The following TNIP1 variants were observed in gnomAD, a reference collection of about 807,000 sequenced individuals.
The protein encoded by TNIP1 is TNFAIP3 interacting protein 1.
In TNIP1, 22 loss-of-function variants were observed where a neutral mutation model predicts 86.6. The observed-to-expected ratio is 0.25, with a 90% confidence interval of 0.18 to 0.36. TNIP1 has a LOEUF of 0.36. Ranked by LOEUF, TNIP1 falls within the 10% of genes least tolerant of loss-of-function variation. The pLI is 1.00. For synonymous variants in TNIP1, 294 were observed against 313.0 expected, an observed-to-expected ratio of 0.94 and a Z score of 0.64; for missense variants, 709 against 820.6, an observed-to-expected ratio of 0.86 and a Z score of 1.66.
intron 1 of TNIP1, among the ~76,000 whole-genome samples, chr5:151,069,322 G>A (rs1344056097): frequency 6.6e-6 from 1 of 152,200 alleles, no homozygotes; most frequent in Admixed American, 6.5e-5. Context: ...GCTGGGTAGG[G>A]GGGTGGTCCC....
At chr5:151,057,020 A>C in intron 5 of TNIP1, 63 bp from the exon 6 acceptor site, 1 of 1,322,898 alleles carries the variant, frequency 7.6e-7, no homozygotes, top group South Asian at 1.9e-5. Flanking sequence ...CCGCCAGTCC[A>C]TTCTCCCTCT....
At chr5:151,038,420 G>A (rs558577687) in intron 12 of TNIP1, among the ~76,000 whole-genome samples, 62 of 132,742 alleles carry the variant, frequency 4.7e-4, no homozygotes, top group African/African-American at 1.4e-3. Flanking sequence ...AACTAGAGCC[G>A]TTCCCACCAG....
chr5:151,040,129 G>C (rs1343863015), intron 11 of TNIP1, among the ~76,000 whole-genome samples: 1 of 152,228 alleles, frequency 6.6e-6, no homozygotes, highest in African/African-American at 2.4e-5. Context: ...GCAGCACAGT[G>C]CAGTGGAAAG....
chr5:151,039,144 T>C lies in TNIP1; in HGVS notation c.1216A>G (p.Thr406Ala). Residue 406 changes from threonine (T) to alanine (A), a missense_variant, in exon 12 of 18, where the codon ACC becomes GCC. By Grantham distance (58) the Thr-to-Ala change is moderately conservative. Transcript: ENST00000521591. Reference protein sequence around the residue: ...KYLQDQLSPLTRQREYQEKEI... With the variant: ...KYLQDQLSPLARQREYQEKEI... ...TTTTCCTGGTACTCACGCTGTCGGG[T>C]GAGTGGGCTCAGCTGATCCTGCAGG... 1 of 1,614,034 alleles carries C rather than the reference T, an allele frequency of 6.2e-7. No individual in the cohort carries two copies. The highest frequency in any genetic ancestry group is 8.5e-7 in the Non-Finnish European group (1 of 1,179,974).
Position 151,033,694 on chromosome 5 carries a change from C to G in TNIP1, c.1693G>C (p.Glu565Gln). 7.4e-7 allele frequency: 1 copy of G among 1,349,302 alleles called. No homozygotes were observed. Among genetic ancestry groups the G allele is most frequent in the Non-Finnish European group, 9.6e-7 (1 of 1,040,270 alleles). 83.6% of individuals were successfully genotyped at this position (1,349,302 alleles called of 1,614,324 possible). A position where few individuals can be genotyped will look rare whatever the true frequency, so the allele number is the denominator to read the frequency against. ...GGGTAGCGGATCTGGGACCAGTCCT[C>G]GAAGCCATGGTGTGGCACCATGGCT... ...MPAMVPHHGF[E>Q]DWSQIRYPPP... is the part of the protein sequence containing the mutation. The change falls in exon 16 of 18, where the codon GAG (glutamate) becomes CAG (glutamine). Residue 565 changes from glutamate to glutamine, a missense_variant. By Grantham distance (29) the Glu-to-Gln change is conservative. Transcript: ENST00000521591.
chr5:151,063,830 C>A, intron 2 of TNIP1, 83 bp from the exon 3 acceptor site: 1 of 1,539,122 alleles, frequency 6.5e-7, no homozygotes, highest in South Asian at 1.2e-5. Flanking sequence ...CCTAACCGTG[C>A]TGCCGCCTGG....
At chr5:151,034,720 T>C in intron 15 of TNIP1, 1 of 407,076 alleles carries the variant, frequency 2.5e-6, no homozygotes, top group Non-Finnish European at 4.5e-6. Flanking sequence ...GCATAGAAAG[T>C]TGGATACATG....
At position 151,032,145 on chromosome 5, in the gene TNIP1, C is replaced by T. The variant is rs1258660648; in HGVS notation, c.1876+142G>A. Reference sequence around the variant, plus strand: ...CTCACTCTGTGGTTGCCATTACTCTCCATTCAACACTGTTTTGGAAAGCTG... The same window carrying T: ...CTCACTCTGTGGTTGCCATTACTCTTCATTCAACACTGTTTTGGAAAGCTG... On this transcript the variant is annotated intron_variant, in intron 17 of 17. Transcript: ENST00000521591. 7.5e-6 allele frequency: 5 copies of T among 666,638 alleles called. No individual in the cohort carries two copies. The East Asian group carries it at 1.4e-4, about 18-fold the overall frequency. The allele number at this position is 666,638 out of a possible 1,614,324, so 41.3% of individuals were successfully genotyped here.
At chr5:151,073,450 G>A (rs6870205) in intron 1 of TNIP1, among the ~76,000 whole-genome samples, 11,842 of 152,134 alleles carry the variant, frequency 0.078, 956 homozygotes, top group African/African-American at 0.21. Context: ...CCATTCATTC[G>A]ATGGAATACT....
intron 11 of TNIP1, among the ~76,000 whole-genome samples, chr5:151,039,530 T>C (rs911600020): frequency 6.6e-6 from 1 of 151,708 alleles, no homozygotes; most frequent in Non-Finnish European, 1.5e-5. Context: ...CAGCCCTCTC[T>C]TGTCTAAGCT....
At chr5:151,080,313 T>C (rs1433404000) in intron 1 of TNIP1, 1 of 152,212 alleles carries the variant, frequency 6.6e-6, no homozygotes, top group Non-Finnish European at 1.5e-5. Flanking sequence ...ATATCTGACT[T>C]TGCAACTCAC....
intron 1 of TNIP1, among the ~76,000 whole-genome samples, chr5:151,075,991 G>A (rs1319744220): frequency 6.6e-6 from 1 of 152,212 alleles, no homozygotes. Context: ...AGGTGCTCAA[G>A]GACGCAGAGC....
chr5:151,048,518 C>T (rs1433694626), intron 8 of TNIP1, among the ~76,000 whole-genome samples: 9 of 152,168 alleles, frequency 5.9e-5, no homozygotes, highest in African/African-American at 1.9e-4. Flanking sequence ...GCACACTCGT[C>T]GCCCCTCTGT....
intron 1 of TNIP1, among the ~76,000 whole-genome samples, chr5:151,077,399 T>A (rs1763510590): frequency 6.6e-6 from 1 of 152,260 alleles, no homozygotes; most frequent in African/African-American, 2.4e-5. Context: ...ACTGGAATCC[T>A]GTCAATAGCC....
intron 3 of TNIP1, 144 bp downstream of exon 3, chr5:151,063,469 G>A (rs1000427502): frequency 3.1e-6 from 4 of 1,280,156 alleles, no homozygotes; most frequent in East Asian, 4.7e-5. Context: ...GGATGTGGCA[G>A]CCAAAACATG....
intron 10 of TNIP1, 65 bp from the exon 11 acceptor site, chr5:151,042,736 G>A (rs1389547532): frequency 1.2e-6 from 2 of 1,605,322 alleles, no homozygotes; most frequent in Non-Finnish European, 1.7e-6. Flanking sequence ...GATGTGGGCA[G>A]GGCCTGGCTG....
intron 11 of TNIP1, among the ~76,000 whole-genome samples, chr5:151,040,193 A>G (rs1758244163): frequency 6.6e-6 from 1 of 152,236 alleles, no homozygotes; most frequent in African/African-American, 2.4e-5. Flanking sequence ...TATATGCGAG[A>G]AAGGTCTGGA....
intron 15 of TNIP1, chr5:151,034,542 G>C (rs1012073222): frequency 2.3e-5 from 7 of 300,516 alleles, no homozygotes; most frequent in Non-Finnish European, 4.4e-5. Flanking sequence ...TGGGCACATG[G>C]GCACGGAAGG....
At chr5:151,048,595 G>A (rs991725651) in intron 8 of TNIP1, among the ~76,000 whole-genome samples, 3 of 152,204 alleles carry the variant, frequency 2.0e-5, no homozygotes, top group Non-Finnish European at 4.4e-5. Flanking sequence ...CTCTCAGGAA[G>A]GGCAGGAAGA....
Sources: allele counts gnomAD v4.1 joint callset (sites outside exome capture counted in the v4.1 genomes callset), GRCh38; gene constraint gnomAD v4.1.1; transcripts MANE v1.5; gene names NCBI Gene and HGNC (gene_info 2026-07-23, HGNC 2026-07-21).